Variants in ABR observed in about 807,000 individuals in gnomAD.
The protein encoded by ABR is ABR activator of RhoGEF and GTPase.
Under a neutral mutation model 107.2 loss-of-function variants are expected in ABR, and 35 were observed. The observed-to-expected ratio is 0.33, with a 90% CI of 0.25 to 0.43. The LOEUF (loss-of-function observed/expected upper bound fraction) is 0.43, where lower values mean the gene tolerates loss of function less well. Among genes scored for constraint, ABR ranks in the 20% least tolerant of loss-of-function variants. The probability of loss-of-function intolerance (pLI) is 1.00; values close to 1 mark genes in which losing one functional copy is unlikely to be tolerated. For missense variants in ABR, 815 were observed against 1,115.2 expected, an observed-to-expected ratio of 0.73 and a Z score of 3.83; for synonymous variants, 498 against 462.0, an observed-to-expected ratio of 1.08 and a Z score of -1.00.
rs115594462 is a variant in ABR at position 1,111,233 on chromosome 17, G to A, written c.247-10498C>T. Among the ~76,000 whole-genome samples the A allele has an allele frequency of 4.6e-3, 698 of 152,262 alleles. 6 individuals carry two copies. Among genetic ancestry groups the A allele is most frequent in the African/African-American group, 0.016 (657 of 41,518 alleles). On this transcript the variant is annotated intron_variant, in intron 2 of 22. Coordinates refer to ENST00000302538, the MANE Select transcript of ABR (RefSeq NM_021962.5). ...TCCCCGTTCCCCACACCTCTACACG[G>A]CATGGTGAGACTGACGCCCACTTCT...
At chr17:1,140,994 G>C (rs894791971) in intron 1 of ABR, among the ~76,000 whole-genome samples, 1 of 152,034 alleles carries the variant, frequency 6.6e-6, no homozygotes, top group Non-Finnish European at 1.5e-5. Context: ...TGAGGATAAC[G>C]ATACCATGTC....
chr17:1,075,058 A>G (rs2035588486), intron 6 of ABR, among the ~76,000 whole-genome samples: 2 of 152,256 alleles, frequency 1.3e-5, no homozygotes, highest in African/African-American at 4.8e-5. Context: ...AGAGGCTGGG[A>G]GGACGCAGGC....
chr17:1,006,488 A>G (rs2070046252), intron 22 of ABR, among the ~76,000 whole-genome samples: 1 of 152,148 alleles, frequency 6.6e-6, no homozygotes, highest in African/African-American at 2.4e-5. Context: ...GCTTCCACCC[A>G]TGAGGACAAG....
At chr17:1,227,579 A>C (rs138074010) in intron 1 of ABR, among the ~76,000 whole-genome samples, 2 of 152,328 alleles carry the variant, frequency 1.3e-5, no homozygotes, top group East Asian at 1.9e-4. Flanking sequence ...TTTTTCATTC[A>C]AATGCAAACT....
chr17:1,190,495 G>A (rs1029962918), upstream of ABR, among the ~76,000 whole-genome samples: 9 of 152,174 alleles, frequency 5.9e-5, no homozygotes, highest in African/African-American at 1.9e-4. Flanking sequence ...TTAGCCAGGC[G>A]TGGTGGTGGG....
rs1430851398 is a variant in ABR, at chr17:1,027,740, C to T, written c.1792-14576G>A. ...AGTCCCCTGTCTGTGGCTGAGGGGT[C>T]GCTATGGGGGTGTGTGTGAACAGAG... is the stretch of plus-strand genomic sequence containing the variant. On this transcript the variant is annotated intron_variant, in intron 16 of 22. Transcript: ENST00000302538. This position sits in a 1 kb window ranked among gnomAD's most constrained non-coding sequence, Gnocchi z 4.7. 1.3e-5 allele frequency among the ~76,000 whole-genome samples: 2 copies of T among 151,776 alleles called. No individual in the cohort carries two copies. Among genetic ancestry groups the T allele is most frequent in the African/African-American group, 2.4e-5 (1 of 41,302 alleles).
chr17:1,007,635 T>A (rs539204223), intron 21 of ABR, among the ~76,000 whole-genome samples: 22 of 152,350 alleles, frequency 1.4e-4, no homozygotes, highest in African/African-American at 4.8e-4. Context: ...GAAAACTCCC[T>A]GGAACAACTC....
At chr17:1,045,198 A>G (rs1210793506) in intron 16 of ABR, among the ~76,000 whole-genome samples, 1 of 152,200 alleles carries the variant, frequency 6.6e-6, no homozygotes, top group East Asian at 1.9e-4. Flanking sequence ...TTCTCATACA[A>G]ACATTGCTTT....
At chr17:1,128,146 G>A (rs1235101469) in intron 1 of ABR, among the ~76,000 whole-genome samples, 5 of 152,156 alleles carry the variant, frequency 3.3e-5, no homozygotes, top group African/African-American at 1.2e-4. Flanking sequence ...ACATTTCCAG[G>A]GCCTTCCCCT....
At chr17:1,022,120 A>AAAAAAAAAAAAAAAACAAAAAC (rs56033950) in intron 16 of ABR, among the ~76,000 whole-genome samples, 2 of 118,388 alleles carry the variant, frequency 1.7e-5, no homozygotes, top group African/African-American at 7.3e-5. Flanking sequence ...AAAAAAAAAA[A>AAAAAAAAAAAAAAAACAAAAAC]AAAAACAGAA....
intron 2 of ABR, among the ~76,000 whole-genome samples, chr17:1,109,313 C>G (rs911106895): frequency 2.6e-5 from 4 of 151,872 alleles, no homozygotes; most frequent in African/African-American, 9.7e-5. Context: ...GACGCCGTGC[C>G]CGGCCCGTGG....
intron 3 of ABR, among the ~76,000 whole-genome samples, chr17:1,095,175 C>T (rs1467578218): frequency 1.3e-5 from 2 of 152,180 alleles, no homozygotes; most frequent in South Asian, 2.1e-4. Flanking sequence ...GCCAAGGAGA[C>T]GGGATTTCTC....
At chr17:1,147,871 G>A (rs1459636750) in intron 1 of ABR, among the ~76,000 whole-genome samples, 1 of 152,200 alleles carries the variant, frequency 6.6e-6, no homozygotes, top group Non-Finnish European at 1.5e-5. Context: ...GAGAGAAGCA[G>A]AAACCCAGCA....
chr17:1,184,352 G>C (rs2042226862), upstream of ABR, among the ~76,000 whole-genome samples: 1 of 151,812 alleles, frequency 6.6e-6, no homozygotes, highest in South Asian at 2.1e-4. Flanking sequence ...CTACTCGGGA[G>C]GCTGAGGCGA....
At chr17:1,153,979 G>C (rs1328234574) in intron 1 of ABR, 1 of 168,036 alleles carries the variant, frequency 6.0e-6, no homozygotes, top group Non-Finnish European at 1.3e-5. Context: ...TGCAATTCTC[G>C]GCAGCGAGCA....
In ABR at chr17:1,224,303, G is replaced by T. The variant is rs1012803952; in HGVS notation, c.838+4490C>A. ...AAGGAAGATACTAAGCGAATTGGCA[G>T]ACTAACTTATTTACACTCTGATGTT... On this transcript the variant is annotated intron_variant, in intron 1 of 22. Coordinates refer to the ABR transcript ENST00000574139. Among the ~76,000 whole-genome samples the T allele has an allele frequency of 2.0e-5, 3 of 152,154 alleles. No individual in the cohort carries two copies. The East Asian group carries it at 5.8e-4, about 29-fold the overall frequency.
In ABR at chr17:1,125,259, G is replaced by A. The variant is rs767775595; in HGVS notation, c.170C>T (p.Ser57Phe). ...MPYIDESPTM[S>F]PQLSARSQGG... ...CTGGCTGCGGGCGCTGAGCTGCGGG[G>A]ACATGGTGGGCGACTCATCGATGTA... The change falls in exon 2 of 23, where the codon TCC (serine) becomes TTC (phenylalanine). Residue 57 changes from serine to phenylalanine, a missense_variant. Coordinates refer to ENST00000302538, the MANE Select transcript of ABR (RefSeq NM_021962.5). 2 of 1,613,268 alleles carry A rather than the reference G, an allele frequency of 1.2e-6. No individual in the cohort carries two copies. Among genetic ancestry groups the A allele is most frequent in the African/African-American group, 2.7e-5 (2 of 74,886 alleles).
intron 5 of ABR, among the ~76,000 whole-genome samples, chr17:1,082,525 G>A (rs566565262): frequency 6.6e-6 from 1 of 151,940 alleles, no homozygotes; most frequent in South Asian, 2.1e-4. Context: ...TTCCTGGCCA[G>A]GAAGGCTGGG....
chr17:1,108,673 G>A (rs1369938200), intron 2 of ABR, among the ~76,000 whole-genome samples: 1 of 152,238 alleles, frequency 6.6e-6, no homozygotes, highest in Non-Finnish European at 1.5e-5. Context: ...GGGCTGACAG[G>A]CGCGCCAGGT....
Sources: allele counts gnomAD v4.1 joint callset (sites outside exome capture counted in the v4.1 genomes callset), GRCh38; gene constraint gnomAD v4.1.1; non-coding constraint Gnocchi (gnomAD v3.1); transcripts MANE v1.5; gene names NCBI Gene and HGNC (gene_info 2026-07-23, HGNC 2026-07-21).